MMP26: variants seen among roughly 807,000 people sequenced by gnomAD.
MMP26 encodes matrix metalloproteinase-26.
A neutral mutation model predicts 31.0 loss-of-function variants in MMP26; 33 were observed. That is an observed-to-expected ratio of 1.06 (90% CI 0.81 to 1.42). The LOEUF (loss-of-function observed/expected upper bound fraction) is 1.42, where lower values mean the gene tolerates loss of function less well. MMP26 is among the 40% of genes most tolerant of loss of function. The pLI is 0.00. For missense variants in MMP26, 347 were observed against 316.1 expected, an observed-to-expected ratio of 1.10 and a Z score of -0.74; for synonymous variants, 122 against 114.9, an observed-to-expected ratio of 1.06 and a Z score of -0.40.
intron 1 of MMP26, among the ~76,000 whole-genome samples, chr11:4,734,483 C>T (rs771974561): frequency 4.6e-5 from 7 of 151,812 alleles, no homozygotes; most frequent in Non-Finnish European, 8.8e-5. Flanking sequence ...GAAGTTTAGG[C>T]TATTGATTTA....
intron 2 of MMP26, among the ~76,000 whole-genome samples, chr11:4,782,638 CAACGGGGAA>C (rs1848879736): frequency 6.8e-6 from 1 of 147,696 alleles, no homozygotes; most frequent in Non-Finnish European, 1.5e-5. Flanking sequence ...ATTCCCAAGA[CAACGGGGAA>C]AATGTCTCCA....
chr11:4,907,411 G>T, intron 2 of MMP26: 1 of 1,613,754 alleles, frequency 6.2e-7, no homozygotes, highest in Non-Finnish European at 8.5e-7. Context: ...TTTTCCTTCT[G>T]ATTGGGATCC....
chr11:4,880,565 G>A (rs752076628), intron 2 of MMP26, among the ~76,000 whole-genome samples: 1 of 152,076 alleles, frequency 6.6e-6, no homozygotes, highest in Non-Finnish European at 1.5e-5. Context: ...ATCAATCAAT[G>A]TTGCTAAATG....
intron 2 of MMP26, chr11:4,919,085 G>C (rs1851142653): frequency 1.3e-5 from 2 of 152,222 alleles, no homozygotes; most frequent in Non-Finnish European, 2.9e-5. Context: ...GAAATTGACT[G>C]ATGTGAGAAA....
At chr11:4,820,788 G>T (rs1379160796) in intron 2 of MMP26, among the ~76,000 whole-genome samples, 1 of 152,088 alleles carries the variant, frequency 6.6e-6, no homozygotes, top group Non-Finnish European at 1.5e-5. Flanking sequence ...ATTCGTGTAC[G>T]ATCTATCTCC....
chr11:4,992,335 T>G lies in MMP26; in HGVS notation c.*93T>G. ...GCACTAGAGCAGCCTTGGGGACTGC[T>G]AGGATGAAGCCCTAAAGAATGCAAC... On this transcript the variant is annotated 3_prime_UTR_variant, in exon 8 of 8. Transcript: ENST00000380390. 2 of 1,287,928 alleles carry G rather than the reference T, an allele frequency of 1.6e-6. No individual in the cohort carries two copies. Among genetic ancestry groups the G allele is most frequent in the Non-Finnish European group, 2.2e-6 (2 of 923,496 alleles). The allele number at this position is 1,287,928 out of a possible 1,614,324, so 79.8% of individuals were successfully genotyped here.
intron 2 of MMP26, chr11:4,860,391 A>G (rs1006231175): frequency 2.1e-6 from 1 of 471,218 alleles, no homozygotes; most frequent in Non-Finnish European, 4.4e-6. Flanking sequence ...ACGTGGGCTC[A>G]TGGAGACTTG....
chr11:4,827,973 T>C (rs777339946), intron 2 of MMP26, among the ~76,000 whole-genome samples: 6 of 152,254 alleles, frequency 3.9e-5, no homozygotes, highest in Non-Finnish European at 7.4e-5. Context: ...TGTAGATACA[T>C]GTCAGGAACT....
intron 2 of MMP26, chr11:4,915,284 C>G: frequency 6.2e-7 from 1 of 1,613,796 alleles, no homozygotes; most frequent in Non-Finnish European, 8.5e-7. Flanking sequence ...AGCCACAAAG[C>G]GGTCAAAGGC....
chr11:4,968,529 A>T (rs112271303), intron 2 of MMP26, among the ~76,000 whole-genome samples: 1 of 139,864 alleles, frequency 7.1e-6, no homozygotes, highest in Non-Finnish European at 1.5e-5. Flanking sequence ...ATTCTCTTAA[A>T]TAATTATTTT....
intron 1 of MMP26, among the ~76,000 whole-genome samples, chr11:4,728,768 T>A (rs1436244060): frequency 1.3e-5 from 2 of 152,096 alleles, no homozygotes; most frequent in South Asian, 2.1e-4. Flanking sequence ...CATCATTCCT[T>A]TTAAAGTCTT....
chr11:4,882,070 C>A lies in MMP26; in HGVS notation c.-144-105998C>A, dbSNP rs761711404. ...TTGTCATCATTACTAAGCGGAGACTCCACAAACCCATGTATTATTTCCTCT... is the reference window on the plus strand; with the variant it reads ...TTGTCATCATTACTAAGCGGAGACTACACAAACCCATGTATTATTTCCTCT... On this transcript the variant is annotated intron_variant, in intron 2 of 7. Coordinates refer to ENST00000380390, the MANE Select transcript of MMP26 (RefSeq NM_021801.5). The A allele has an allele frequency of 1.9e-6, 3 of 1,613,808 alleles. No homozygotes were observed. The Admixed American group carries it at 5.0e-5, about 27-fold the overall frequency.
chr11:4,824,302 C>T (rs1469736669), intron 2 of MMP26, among the ~76,000 whole-genome samples: 1 of 152,070 alleles, frequency 6.6e-6, no homozygotes, highest in African/African-American at 2.4e-5. Flanking sequence ...TCATTTAGCT[C>T]GTCTCCAGGA....
chr11:4,711,706 A>C (rs1241658857), intron 1 of MMP26: 1 of 152,208 alleles, frequency 6.6e-6, no homozygotes, highest in East Asian at 1.9e-4. Flanking sequence ...TTTAAAGTGC[A>C]GATTCCTCAA....
chr11:4,980,700 T>C (rs1279941186), intron 2 of MMP26, among the ~76,000 whole-genome samples: 3 of 151,960 alleles, frequency 2.0e-5, no homozygotes, highest in Non-Finnish European at 2.9e-5. Context: ...AGAAATTATT[T>C]GAAGAAAAAT....
chr11:4,723,102 G>T (rs1048746271), intron 1 of MMP26: 2 of 1,514,660 alleles, frequency 1.3e-6, no homozygotes, highest in Admixed American at 1.7e-5. Flanking sequence ...TGCTTGGCCC[G>T]CTGCAGGGCG....
intron 2 of MMP26, among the ~76,000 whole-genome samples, chr11:4,770,753 G>T (rs1251423280): frequency 6.6e-6 from 1 of 152,060 alleles, no homozygotes; most frequent in Non-Finnish European, 1.5e-5. Flanking sequence ...TGAGGCAGGA[G>T]AATCGCTTGA....
intron 2 of MMP26, chr11:4,954,902 G>A: frequency 8.8e-7 from 1 of 1,136,488 alleles, no homozygotes; most frequent in Non-Finnish European, 1.3e-6. Flanking sequence ...ATTAATGAGG[G>A]GAGAGACATG....
intron 2 of MMP26, among the ~76,000 whole-genome samples, chr11:4,783,671 C>A (rs1470654202): frequency 6.6e-6 from 1 of 152,146 alleles, no homozygotes; most frequent in Non-Finnish European, 1.5e-5. Flanking sequence ...CCACCCAAAT[C>A]TCATCTTGTA....
Sources: allele counts gnomAD v4.1 joint callset (sites outside exome capture counted in the v4.1 genomes callset), GRCh38; gene constraint gnomAD v4.1.1; transcripts MANE v1.5; gene names NCBI Gene and HGNC (gene_info 2026-07-23, HGNC 2026-07-21).